The following SLC9A8 variants were observed in gnomAD, a reference collection of about 807,000 sequenced individuals.
SLC9A8 encodes solute carrier family 9 member A8.
Under a neutral mutation model 66.6 loss-of-function variants are expected in SLC9A8, and 48 were observed. The observed-to-expected ratio is 0.72, with a 90% confidence interval of 0.57 to 0.92. SLC9A8 has a LOEUF of 0.92. SLC9A8 is among the 40% of genes least tolerant of loss of function. The pLI, the probability that SLC9A8 is intolerant of heterozygous loss-of-function variation, is 0.00. For missense variants in SLC9A8, 599 were observed against 747.3 expected (o/e 0.80, Z 2.31); for synonymous variants, 274 against 282.6 (o/e 0.97, Z 0.31).
intron 14 of SLC9A8, 109 bp downstream of exon 14, chr20:49,884,175 G>GTGCTGGGCATCCTCAA: frequency 2.7e-6 from 2 of 749,350 alleles, no homozygotes; most frequent in Non-Finnish European, 4.4e-6. Flanking sequence ...TTGCTTTGAG[G>GTGCTGGGCATCCTCAA]ATGCCCAGCA....
intron 4 of SLC9A8, among the ~76,000 whole-genome samples, chr20:49,841,549 G>T (rs2087761306): frequency 6.8e-6 from 1 of 147,878 alleles, no homozygotes; most frequent in Non-Finnish European, 1.5e-5. Flanking sequence ...CTATCAACTT[G>T]CTTTTTAATT....
chr20:49,852,707 C>T (rs981402430), intron 7 of SLC9A8, among the ~76,000 whole-genome samples: 4 of 152,144 alleles, frequency 2.6e-5, no homozygotes, highest in Admixed American at 1.3e-4. Context: ...ACCGTCTTTC[C>T]ATACAGACCT....
chr20:49,826,545 C>G (rs999408892), intron 3 of SLC9A8, among the ~76,000 whole-genome samples: 9 of 152,220 alleles, frequency 5.9e-5, no homozygotes, highest in Non-Finnish European at 1.3e-4. Flanking sequence ...AAAGGACCAT[C>G]TGCACTCCAA....
At chr20:49,837,091 A>G (rs1201015908) in intron 3 of SLC9A8, among the ~76,000 whole-genome samples, 1 of 152,180 alleles carries the variant, frequency 6.6e-6, no homozygotes, top group East Asian at 1.9e-4. Context: ...ATAAATGCAT[A>G]TCTGATTGCT....
intron 2 of SLC9A8, 116 bp from the exon 3 acceptor site, chr20:49,822,945 C>T (rs944314576): frequency 2.6e-6 from 2 of 783,114 alleles, no homozygotes; most frequent in East Asian, 5.0e-5. Flanking sequence ...CTGTGTTATT[C>T]CAATTGTCCA....
chr20:49,847,163 T>TA (rs1365812181), intron 5 of SLC9A8, among the ~76,000 whole-genome samples: 1 of 152,108 alleles, frequency 6.6e-6, no homozygotes, highest in Non-Finnish European at 1.5e-5. Flanking sequence ...AAATTTAATG[T>TA]AAAAAATATT....
chr20:49,884,728 C>T (rs1158306883), intron 14 of SLC9A8, among the ~76,000 whole-genome samples: 2 of 152,244 alleles, frequency 1.3e-5, no homozygotes, highest in South Asian at 4.1e-4. Flanking sequence ...GGTACCCAGG[C>T]CCCAGCTGTA....
chr20:49,819,770 A>G (rs1159500122), intron 2 of SLC9A8, among the ~76,000 whole-genome samples: 3 of 152,188 alleles, frequency 2.0e-5, no homozygotes, highest in Non-Finnish European at 4.4e-5. Flanking sequence ...CCTATTTAGA[A>G]TATTTCATAT....
intron 3 of SLC9A8, among the ~76,000 whole-genome samples, chr20:49,834,452 GTATATATATATAC>G (rs1641187555): frequency 7.3e-5 from 5 of 68,556 alleles, no homozygotes; most frequent in South Asian, 7.6e-4. Flanking sequence ...TATATATACT[GTATATATATATAC>G]TGTGTATATA....
At chr20:49,824,235 A>C (rs75757583) in intron 3 of SLC9A8, among the ~76,000 whole-genome samples, 2,738 of 152,332 alleles carry the variant, frequency 0.018, 77 homozygotes, top group African/African-American at 0.062. Context: ...GTTGACCTCG[A>C]GTACAGGTTT....
At chr20:49,882,000 G>T (rs1227693879) in intron 13 of SLC9A8, among the ~76,000 whole-genome samples, 2 of 152,038 alleles carry the variant, frequency 1.3e-5, no homozygotes, top group Admixed American at 1.3e-4. Context: ...TCTCTCCCAG[G>T]CTCCCCGGGC....
chr20:49,838,021 A>G lies in SLC9A8; in HGVS notation c.290-1520A>G, dbSNP rs6125788. 3.8e-4 allele frequency among the ~76,000 whole-genome samples: 57 copies of G among 150,124 alleles called. No homozygotes were observed. The East Asian group carries it at 8.7e-3, about 23-fold the overall frequency. On this transcript the variant is annotated intron_variant, in intron 3 of 15. Transcript: ENST00000361573. ...TACATTATACTACCATAAATTTTAT[A>G]TAAATAAATACACTCAGGTGTGCCA... is the stretch of plus-strand genomic sequence containing the variant.
At position 49,812,891 on chromosome 20, in the gene SLC9A8, T is replaced by C; in HGVS notation, c.-32T>C. On this transcript the variant is annotated 5_prime_UTR_variant, in exon 1 of 16. Transcript: ENST00000361573. The stretch of plus-strand genomic sequence containing the variant: ...AAGCGGGTCCTGCTAGCCCCGCGGC[T>C]CCGAACTCGGTGGTCCTGGAAGCTC... The C allele has an allele frequency of 6.7e-7, 1 of 1,494,596 alleles. No individual in the cohort carries two copies. The highest frequency in any genetic ancestry group is 8.9e-7 in the Non-Finnish European group (1 of 1,123,538). 92.6% of individuals were successfully genotyped at this position (1,494,596 alleles called of 1,614,324 possible).
rs930885816 is a variant in SLC9A8 at position 49,845,021 on chromosome 20, A to G, written c.349-15A>G. ...CAAATTCCATGCCCTTAAGATACTCATTTTCTATTTACAGGAAGAAGAAAT... is the reference window on the plus strand; with the variant it reads ...CAAATTCCATGCCCTTAAGATACTCGTTTTCTATTTACAGGAAGAAGAAAT... On this transcript the variant is annotated splice_polypyrimidine_tract_variant and intron_variant, in intron 4 of 15. Transcript: ENST00000361573. 1.3e-5 allele frequency: 21 copies of G among 1,587,036 alleles called. No homozygotes were observed. The highest frequency in any genetic ancestry group is 1.6e-5 in the Non-Finnish European group (19 of 1,155,708).
chr20:49,841,787 G>T (rs1303247523), intron 4 of SLC9A8, among the ~76,000 whole-genome samples: 4 of 151,808 alleles, frequency 2.6e-5, no homozygotes, highest in South Asian at 2.1e-4. Context: ...TAGAGACAGG[G>T]TCTCACCATG....
intron 3 of SLC9A8, among the ~76,000 whole-genome samples, chr20:49,834,388 G>GTGTATATATATATATATACTGTA (rs2087408728): frequency 1.7e-5 from 1 of 58,846 alleles, no homozygotes; most frequent in Non-Finnish European, 3.0e-5. Context: ...TATATACTGT[G>GTGTATATATATATATATACTGTA]TATATATATA....
At position 49,828,897 on chromosome 20, in the gene SLC9A8, C is replaced by T. The variant is rs1188981158; in HGVS notation, c.289+5756C>T. On this transcript the variant is annotated intron_variant, in intron 3 of 15. Transcript: ENST00000361573. ...TATTAATATATTTTACACATTAGCA[C>T]AGTGCATGGCACACAGTATAGATGT... 2.7e-5 allele frequency among the ~76,000 whole-genome samples: 4 copies of T among 146,970 alleles called. No homozygotes were observed. In the Admixed American group the frequency reaches 2.7e-4, roughly 10 times the overall value.
At chr20:49,875,598 C>G (rs945569392) in intron 11 of SLC9A8, among the ~76,000 whole-genome samples, 2 of 152,156 alleles carry the variant, frequency 1.3e-5, no homozygotes, top group African/African-American at 2.4e-5. Context: ...CTCCGACATA[C>G]CCATGTATCT....
At chr20:49,855,886 G>A (rs1436408485) in intron 8 of SLC9A8, among the ~76,000 whole-genome samples, 1 of 152,134 alleles carries the variant, frequency 6.6e-6, no homozygotes, top group Non-Finnish European at 1.5e-5. Context: ...AACCTCCTGG[G>A]TTCAACTGAT....
Sources: allele counts gnomAD v4.1 joint callset (sites outside exome capture counted in the v4.1 genomes callset), GRCh38; gene constraint gnomAD v4.1.1; transcripts MANE v1.5; gene names NCBI Gene and HGNC (gene_info 2026-07-23, HGNC 2026-07-21).